The following RPGR variants were observed in gnomAD, a reference collection of about 807,000 sequenced individuals.
RPGR encodes retinitis pigmentosa GTPase regulator.
In RPGR, 10 loss-of-function variants were observed where a neutral mutation model predicts 56.3. That is an observed-to-expected ratio of 0.18 (90% confidence interval 0.11 to 0.30). The LOEUF is 0.30. Ranked by LOEUF, RPGR falls within the 10% of genes least tolerant of loss-of-function variation. RPGR has a pLI of 1.00. For synonymous variants in RPGR, 197 were observed against 212.9 expected (o/e 0.93, Z 0.65); for missense variants, 538 against 590.9 (o/e 0.91, Z 0.93).
chrX:38,270,883 C>G (rs2066832843), intron 18 of RPGR, among the ~76,000 whole-genome samples: 1 of 110,690 alleles, frequency 9.0e-6, no homozygotes, highest in Admixed American at 9.7e-5. Flanking sequence ...GAACTGAGGA[C>G]CAAGGTTTGT....
At chrX:38,321,355 T>A (rs936139001) in intron 3 of RPGR, among the ~76,000 whole-genome samples, 2 of 111,394 alleles carry the variant, frequency 1.8e-5, no homozygotes, top group Non-Finnish European at 3.8e-5. Flanking sequence ...TAGGCATTTA[T>A]ATATATAATT....
chrX:38,290,942 A>T lies in RPGR; in HGVS notation c.1572+17T>A. 1 of 903,951 alleles carries T rather than the reference A, an allele frequency of 1.1e-6. No individual in the cohort carries two copies. The highest frequency in any genetic ancestry group is 1.6e-6 in the Non-Finnish European group (1 of 638,598). The allele number at this position is 903,951 out of a possible 1,213,427, so 74.5% of individuals were successfully genotyped here. ...TGCTCTCACCAACAATAACGAAAAT[A>T]AATCTTCATATTATACCTTTTGTTT... is the stretch of plus-strand genomic sequence containing the variant. On this transcript the variant is annotated intron_variant, in intron 13 of 18. Coordinates refer to ENST00000642395, the MANE Select transcript of RPGR (RefSeq NM_000328.3).
intron 15 of RPGR, among the ~76,000 whole-genome samples, chrX:38,281,694 T>A (rs976832671): frequency 1.8e-5 from 2 of 111,280 alleles, no homozygotes; most frequent in Non-Finnish European, 3.8e-5. Flanking sequence ...AATTTAATCG[T>A]CAAAAGTCCC....
intron 6 of RPGR, among the ~76,000 whole-genome samples, chrX:38,312,441 G>A (rs2067736623): frequency 9.0e-6 from 1 of 110,660 alleles, no homozygotes; most frequent in Non-Finnish European, 1.9e-5. Context: ...AATATCAGAT[G>A]CATCTTCCAA....
intron 8 of RPGR, among the ~76,000 whole-genome samples, chrX:38,301,617 C>T (rs769310455): frequency 5.4e-5 from 6 of 110,901 alleles, no homozygotes; most frequent in Admixed American, 2.9e-4. Flanking sequence ...TGACCTGTCA[C>T]GCAAGGCAGT....
chrX:38,284,401 G>A lies in RPGR; in HGVS notation c.1905+2693C>T. 2.9e-6 allele frequency: 2 copies of A among 692,877 alleles called. No individual in the cohort carries two copies. The highest frequency in any genetic ancestry group is 3.4e-6 in the Non-Finnish European group (2 of 583,578). The allele number at this position is 692,877 out of a possible 1,213,427, so 57.1% of individuals were successfully genotyped here. A position where few individuals can be genotyped will look rare whatever the true frequency, so the allele number is the denominator to read the frequency against. ...GTTTATCTTTTCATAAAGAATTTCT[G>A]ACTATATACATTTAATTTTTTATTT... On this transcript the variant is annotated intron_variant, in intron 15 of 18. Coordinates refer to ENST00000642395, the MANE Select transcript of RPGR (RefSeq NM_000328.3).
At chrX:38,293,233 G>A (rs2067321091) in intron 11 of RPGR, among the ~76,000 whole-genome samples, 1 of 111,120 alleles carries the variant, frequency 9.0e-6, no homozygotes, top group East Asian at 2.8e-4. Flanking sequence ...TGGGCCATAT[G>A]GTCTCTGTCC....
Position 38,291,455 on chromosome X carries a change from C to A in RPGR, c.1444G>T (p.Ala482Ser). 8.7e-7 allele frequency: 1 copy of A among 1,155,947 alleles called. No individual in the cohort carries two copies. ...ACAGTTGAAGAATTATCTATCTCTG[C>A]TTCTTTGGTCATTTCATCTAGCAAA... The change falls in exon 12 of 19, where the codon GCA becomes TCA. Residue 482 changes from alanine to serine, a missense_variant. By Grantham distance (99) the Ala-to-Ser change is moderately conservative. Transcript: ENST00000642395.
At chrX:38,312,959 T>G (rs2067749888) in intron 6 of RPGR, among the ~76,000 whole-genome samples, 1 of 110,021 alleles carries the variant, frequency 9.1e-6, no homozygotes, top group Non-Finnish European at 1.9e-5. Context: ...AAAATGCACC[T>G]ACCAAATTTA....
intron 11 of RPGR, among the ~76,000 whole-genome samples, chrX:38,294,931 G>A (rs1162833257): frequency 8.9e-6 from 1 of 111,770 alleles, no homozygotes; most frequent in Non-Finnish European, 1.9e-5. Flanking sequence ...CCTATTTCTA[G>A]TCTGGCCTCT....
chrX:38,283,910 T>C (rs912879746), intron 15 of RPGR, among the ~76,000 whole-genome samples: 2 of 111,990 alleles, frequency 1.8e-5, no homozygotes, highest in African/African-American at 6.5e-5. Context: ...TATATTTTTA[T>C]CATAGTATTA....
chrX:38,327,441 C>T lies in RPGR; in HGVS notation c.-74G>A. The T allele has an allele frequency of 9.9e-7, 1 of 1,010,815 alleles. No homozygotes were observed. The allele number at this position is 1,010,815 out of a possible 1,213,427, so 83.3% of individuals were successfully genotyped here. Reference sequence around the variant, plus strand: ...GACGGTTTGGTCGGGGCTAAAGCAGCTACTCCGCACCGACGCGGGCCGCGA... The same window carrying T: ...GACGGTTTGGTCGGGGCTAAAGCAGTTACTCCGCACCGACGCGGGCCGCGA... On this transcript the variant is annotated 5_prime_UTR_variant, in exon 1 of 19. An upstream open reading frame in the 5' UTR loses its in-frame stop. Coordinates refer to ENST00000642395, the MANE Select transcript of RPGR (RefSeq NM_000328.3).
Position 38,304,691 on chromosome X carries a change from C to A in RPGR, c.878G>T (p.Arg293Met). Residue 293 changes from arginine (R) to methionine (M), a missense_variant, in exon 8 of 19, where the codon AGG (arginine) becomes ATG (methionine). Arg to Met is a moderately conservative substitution (Grantham distance 91, BLOSUM62 -1). Coordinates refer to ENST00000642395, the MANE Select transcript of RPGR (RefSeq NM_000328.3). ...AGAAATATAACTTATTGTTTGATCCCTAATATTCTCAATGACTTTGGGTTC... is the reference window on the plus strand; with the variant it reads ...AGAAATATAACTTATTGTTTGATCCATAATATTCTCAATGACTTTGGGTTC... The A allele has an allele frequency of 1.7e-6, 2 of 1,201,370 alleles. No individual in the cohort carries two copies. The highest frequency in any genetic ancestry group is 1.1e-6 in the Non-Finnish European group (1 of 886,485).
At chrX:38,299,547 T>C (rs186461438) in intron 9 of RPGR, among the ~76,000 whole-genome samples, 39 of 111,934 alleles carry the variant, frequency 3.5e-4, no homozygotes, top group African/African-American at 1.2e-3. Flanking sequence ...TTTTTTAAAG[T>C]ATAAATCAGT....
chrX:38,323,277 A>C (rs2067983166), intron 2 of RPGR, 122 bp downstream of exon 2: 9 of 709,562 alleles, frequency 1.3e-5, no homozygotes, highest in Admixed American at 3.2e-5. Context: ...ATTCTCCAGC[A>C]AAGTAAAAAA....
chrX:38,304,054 T>G (rs2067550452), intron 8 of RPGR, among the ~76,000 whole-genome samples: 1 of 112,040 alleles, frequency 8.9e-6, no homozygotes, highest in Admixed American at 9.5e-5. Flanking sequence ...CACATAGTTT[T>G]GAGGCTGAGA....
In RPGR at chrX:38,323,444, G is replaced by A. The variant is rs1027214389; in HGVS notation, c.109C>T (p.Pro37Ser). 4.2e-6 allele frequency: 5 copies of A among 1,204,700 alleles called. No individual in the cohort carries two copies. The highest frequency in any genetic ancestry group is 1.8e-5 in the African/African-American group (1 of 57,057). The stretch of plus-strand genomic sequence containing the variant: ...TCATCTCCACATGAAAGATGTACAG[G>A]GACATCATTTTTAAACCAGAATTTA... The change falls in exon 2 of 19, where the codon CCT becomes TCT. Residue 37 changes from proline to serine, a missense_variant. Around this residue, in one of 2 missense-constraint regions of RPGR, gnomAD observed 181 missense variants for 265.1 expected, o/e 0.68. Transcript: ENST00000642395.
At chrX:38,280,584 G>A (rs1300514922) in intron 15 of RPGR, among the ~76,000 whole-genome samples, 1 of 111,809 alleles carries the variant, frequency 8.9e-6, no homozygotes, top group Non-Finnish European at 1.9e-5. Context: ...TCAAGCTGGA[G>A]TGCAGTGGCA....
intron 13 of RPGR, among the ~76,000 whole-genome samples, chrX:38,288,318 T>C (rs2067225654): frequency 8.9e-6 from 1 of 112,186 alleles, no homozygotes; most frequent in Non-Finnish European, 1.9e-5. Flanking sequence ...TTAATCACAA[T>C]ACCATCAATA....
Sources: gnomAD v4.1 joint callset for allele counts (sites outside exome capture counted in the v4.1 genomes callset) on GRCh38, gnomAD v4.1.1 for gene constraint, gnomAD v4.1.1 regional missense constraint, MANE v1.5 for transcripts, NCBI Gene and HGNC (gene_info 2026-07-23, HGNC 2026-07-21) for gene names.